Variants in SMAD9 observed in about 807,000 individuals in gnomAD.
The protein encoded by SMAD9 is MAD homolog 9.
Under a neutral mutation model 46.1 loss-of-function variants are expected in SMAD9, and 36 were observed. That is an observed-to-expected ratio of 0.78 (90% confidence interval 0.60 to 1.03). SMAD9 has a LOEUF of 1.03. SMAD9 is among the 50% of genes least tolerant of loss of function. The pLI, the probability that SMAD9 is intolerant of heterozygous loss-of-function variation, is 0.00. For synonymous variants in SMAD9, 245 were observed against 237.1 expected (o/e 1.03, Z -0.31); for missense variants, 572 against 599.8 (o/e 0.95, Z 0.48).
chr13:36,853,740 C>A (rs375063299), intron 5 of SMAD9, 65 bp from the exon 6 acceptor site: 11 of 1,562,044 alleles, frequency 7.0e-6, no homozygotes, highest in Non-Finnish European at 9.6e-6. Flanking sequence ...CCCACTGATT[C>A]CTGAAACCCT....
At chr13:36,904,022 T>C (rs1019989001) in intron 1 of SMAD9, among the ~76,000 whole-genome samples, 1 of 152,178 alleles carries the variant, frequency 6.6e-6, no homozygotes, top group African/African-American at 2.4e-5. Context: ...CTACTGTTAA[T>C]ATATATTATG....
At chr13:36,872,543 C>G (rs2058304706) in intron 3 of SMAD9, 115 bp downstream of exon 3, 1 of 1,230,538 alleles carries the variant, frequency 8.1e-7, no homozygotes, top group African/African-American at 1.5e-5. Flanking sequence ...GCTTTGTAAA[C>G]TGTTTATACT....
chr13:36,907,987 C>A (rs763612226), intron 1 of SMAD9, among the ~76,000 whole-genome samples: 30 of 152,170 alleles, frequency 2.0e-4, no homozygotes, highest in Non-Finnish European at 3.8e-4. Flanking sequence ...AGCAGCCCAC[C>A]CTCTCTGAAG....
chr13:36,887,214 CTTTTTTTTTTTTTTT>C lies in SMAD9; in HGVS notation c.-186-7354_-186-7340del, dbSNP rs34299786. On this transcript the variant is annotated intron_variant, in intron 1 of 6. Coordinates refer to ENST00000379826, the MANE Select transcript of SMAD9 (RefSeq NM_001127217.3). ...AAGAAGTTAAATGATCTGACTAGAT[CTTTTTTTTTTTTTTT>C]TTTTTTTTTTTGAGATGGAGTCTTC... 8.2e-4 allele frequency among the ~76,000 whole-genome samples: 54 copies of C among 65,600 alleles called. 1 individual carries two copies. The South Asian group carries it at 0.025, about 30-fold the overall frequency. 43.0% of individuals were successfully genotyped at this position (65,600 alleles called of 152,430 possible).
At chr13:36,870,936 G>A (rs138353175) in intron 3 of SMAD9, among the ~76,000 whole-genome samples, 11 of 152,220 alleles carry the variant, frequency 7.2e-5, no homozygotes, top group Non-Finnish European at 1.5e-4. Flanking sequence ...TGGATGCGCT[G>A]GGCAATGGAA....
chr13:36,900,569 C>T (rs956680217), intron 1 of SMAD9, among the ~76,000 whole-genome samples: 2 of 151,832 alleles, frequency 1.3e-5, no homozygotes, highest in South Asian at 2.1e-4. Flanking sequence ...ATGAGCCACC[C>T]GCTTGGCCGA....
intron 1 of SMAD9, among the ~76,000 whole-genome samples, chr13:36,892,490 A>C (rs1260463531): frequency 6.6e-6 from 1 of 152,204 alleles, no homozygotes; most frequent in Non-Finnish European, 1.5e-5. Flanking sequence ...TCAGATATTA[A>C]AAACCACATT....
At chr13:36,898,456 GA>G (rs995516894) in intron 1 of SMAD9, among the ~76,000 whole-genome samples, 45 of 150,014 alleles carry the variant, frequency 3.0e-4, no homozygotes, top group African/African-American at 1.0e-3. Flanking sequence ...TAAGATATTA[GA>G]AAAAAAAAGA....
chr13:36,904,898 T>C (rs1308886719), intron 1 of SMAD9, among the ~76,000 whole-genome samples: 1 of 152,258 alleles, frequency 6.6e-6, no homozygotes, highest in African/African-American at 2.4e-5. Flanking sequence ...GCCTAGGATA[T>C]AGTAGATGCT....
intron 5 of SMAD9, among the ~76,000 whole-genome samples, chr13:36,861,795 G>T (rs2058184835): frequency 6.6e-6 from 1 of 151,800 alleles, no homozygotes; most frequent in South Asian, 2.1e-4. Context: ...TGGGTGTGGT[G>T]GTGTGCGCCT....
At chr13:36,907,981 GCCCACCCTCTCT>G (rs1300652747) in intron 1 of SMAD9, among the ~76,000 whole-genome samples, 3 of 152,182 alleles carry the variant, frequency 2.0e-5, no homozygotes, top group African/African-American at 7.2e-5. Context: ...CCTTTCAGCA[GCCCACCCTCTCT>G]GAAGGACAGC....
chr13:36,855,251 CAAAAAAAAAAA>C (rs1198605048), intron 5 of SMAD9, among the ~76,000 whole-genome samples: 16 of 45,970 alleles, frequency 3.5e-4, no homozygotes, highest in Non-Finnish European at 5.7e-4. Context: ...GAGTCCATCT[CAAAAAAAAAAA>C]AAAAAAAAAA....
intron 2 of SMAD9, among the ~76,000 whole-genome samples, chr13:36,877,739 A>C (rs2138478652): frequency 6.6e-6 from 1 of 152,264 alleles, no homozygotes; most frequent in South Asian, 2.1e-4. Flanking sequence ...ACCTTCTAAT[A>C]CCTTCTCAGC....
chr13:36,857,546 T>A (rs578105097), intron 5 of SMAD9, among the ~76,000 whole-genome samples: 13 of 152,138 alleles, frequency 8.5e-5, no homozygotes, highest in Non-Finnish European at 1.8e-4. Context: ...TAGAAGAACC[T>A]TGGGTTTAAT....
chr13:36,870,812 C>T (rs2058285666), intron 3 of SMAD9, among the ~76,000 whole-genome samples: 1 of 152,044 alleles, frequency 6.6e-6, no homozygotes, highest in Admixed American at 6.5e-5. Flanking sequence ...AACAATATGC[C>T]AGCATCACTA....
rs148024268 is a variant in SMAD9, at chr13:36,914,729, G to A, written c.-187+5387C>T. On this transcript the variant is annotated intron_variant, in intron 1 of 6. Transcript: ENST00000379826. ...ATGGAATCTGTGAATCCCTTTCTGC[G>A]TTACCATTAACTCCTGAAATGTGGT... is the stretch of plus-strand genomic sequence containing the variant. 5.8e-3 allele frequency among the ~76,000 whole-genome samples: 877 copies of A among 152,220 alleles called. 7 individuals are homozygous for A. The highest frequency in any genetic ancestry group is 7.3e-3 in the Non-Finnish European group (494 of 68,030).
chr13:36,868,283 C>A (rs956108242), intron 3 of SMAD9, among the ~76,000 whole-genome samples: 2 of 152,110 alleles, frequency 1.3e-5, no homozygotes, highest in African/African-American at 4.8e-5. Flanking sequence ...TTAACATGCC[C>A]CAATGGCAAT....
At chr13:36,885,981 G>GA (rs1271590120) in intron 1 of SMAD9, among the ~76,000 whole-genome samples, 1 of 152,160 alleles carries the variant, frequency 6.6e-6, no homozygotes, top group Non-Finnish European at 1.5e-5. Context: ...GAAGAGCCTG[G>GA]AAGGATTACA....
intron 1 of SMAD9, among the ~76,000 whole-genome samples, chr13:36,912,078 T>C (rs1459978529): frequency 2.0e-5 from 3 of 152,234 alleles, no homozygotes; most frequent in Non-Finnish European, 2.9e-5. Flanking sequence ...ACTGCTTAGC[T>C]AGGAGTTGTG....
Sources: allele counts gnomAD v4.1 joint callset (sites outside exome capture counted in the v4.1 genomes callset), GRCh38; gene constraint gnomAD v4.1.1; transcripts MANE v1.5; gene names NCBI Gene and HGNC (gene_info 2026-07-23, HGNC 2026-07-21).